SCRN1: variants seen among roughly 807,000 people sequenced by gnomAD.
The protein encoded by SCRN1 is secernin-1.
SCRN1 carries 19 observed loss-of-function variants against 43.3 expected under a neutral mutation model. The ratio of observed to expected loss-of-function variants is 0.44; its 90% CI spans 0.31 to 0.64. SCRN1 has a LOEUF of 0.64. Among genes scored for constraint, SCRN1 ranks in the 30% least tolerant of loss-of-function variants. The pLI is 0.09. For missense variants in SCRN1, 447 were observed against 524.1 expected, an observed-to-expected ratio of 0.85 and a Z score of 1.44; for synonymous variants, 183 against 188.9, an observed-to-expected ratio of 0.97 and a Z score of 0.26.
intron 7 of SCRN1, 103 bp downstream of exon 7, chr7:29,926,349 G>A (rs1456038388): frequency 6.4e-6 from 8 of 1,256,458 alleles, no homozygotes; most frequent in Admixed American, 1.9e-5. Context: ...CACTGGATGG[G>A]TGGGGGTAGG....
intron 4 of SCRN1, 36 bp from the exon 5 acceptor site, chr7:29,940,912 T>C: frequency 7.0e-7 from 1 of 1,433,510 alleles, no homozygotes; most frequent in Non-Finnish European, 9.2e-7. Context: ...GTTAAAAATA[T>C]ACTTATAAAG....
rs1265545870 is a variant in SCRN1, at chr7:29,944,011, G to T, written c.510C>A (p.Thr170=). Residue 170 remains threonine, a synonymous_variant, in exon 4 of 8, where the codon ACC becomes ACA. Coordinates refer to ENST00000242059, the MANE Select transcript of SCRN1 (RefSeq NM_014766.5). ...VDRDEAWVLE[T]IGKYWAAEKV... ...TCTCGGCAGCCCAGTACTTCCCTATGGTCTCGAGCACCCAGGCTTCATCAC... is the reference window on the plus strand; with the variant it reads ...TCTCGGCAGCCCAGTACTTCCCTATTGTCTCGAGCACCCAGGCTTCATCAC... 1 of 1,614,122 alleles carries T rather than the reference G, an allele frequency of 6.2e-7. No homozygotes were observed. The highest frequency in any genetic ancestry group is 2.2e-5 in the East Asian group (1 of 44,880).
intron 5 of SCRN1, among the ~76,000 whole-genome samples, chr7:29,939,597 A>G (rs919174891): frequency 4.6e-5 from 7 of 152,234 alleles, no homozygotes; most frequent in Non-Finnish European, 7.3e-5. Context: ...ATAGTGAGAA[A>G]GCAGCCCCAA....
rs192109848 is a variant in SCRN1 at position 29,948,136 on chromosome 7, A to G, written c.342-3957T>C. On this transcript the variant is annotated intron_variant, in intron 3 of 7. Transcript: ENST00000242059. ...ACTTTTTGACTTATCTCCATCTCTC[A>G]GTGTCCCGAAATTCCTGCGTCATTG... is the stretch of plus-strand genomic sequence containing the variant. Among the ~76,000 whole-genome samples, 184 of 152,220 alleles carry G rather than the reference A, an allele frequency of 1.2e-3. 1 individual carries two copies. Among genetic ancestry groups the G allele is most frequent in the African/African-American group, 4.3e-3 (179 of 41,538 alleles).
intron 6 of SCRN1, among the ~76,000 whole-genome samples, chr7:29,928,516 G>C (rs2128086422): frequency 6.6e-6 from 1 of 152,314 alleles, no homozygotes. Flanking sequence ...CCAAGCTGGT[G>C]AACTGAGTGG....
At chr7:29,959,347 C>T (rs1788233273) in intron 2 of SCRN1, among the ~76,000 whole-genome samples, 1 of 152,176 alleles carries the variant, frequency 6.6e-6, no homozygotes, top group African/African-American at 2.4e-5. Context: ...GCTTTTAAAA[C>T]TTTGTAGCTC....
intron 2 of SCRN1, among the ~76,000 whole-genome samples, chr7:29,968,093 T>G (rs1788554490): frequency 6.6e-6 from 1 of 152,334 alleles, no homozygotes; most frequent in Middle Eastern, 3.4e-3. Flanking sequence ...TTTAAAAGAT[T>G]TGAAATAAGA....
chr7:29,932,520 C>T (rs1787190195), intron 6 of SCRN1, among the ~76,000 whole-genome samples: 1 of 151,560 alleles, frequency 6.6e-6, no homozygotes, highest in South Asian at 2.1e-4. Context: ...GGTGTGGTGG[C>T]ACGTGCCTGT....
chr7:29,987,660 G>A (rs1239932187), intron 1 of SCRN1, among the ~76,000 whole-genome samples: 7 of 152,232 alleles, frequency 4.6e-5, no homozygotes, highest in Non-Finnish European at 4.4e-5. Flanking sequence ...AACACCTATA[G>A]ACTTTGTAAT....
upstream of SCRN1, chr7:29,989,967 A>C: frequency 1.6e-6 from 2 of 1,241,366 alleles, no homozygotes; most frequent in East Asian, 8.7e-5. Flanking sequence ...GGGGCCTGGG[A>C]GCTGGAGGAG....
chr7:29,985,037 G>C (rs1226354582), intron 1 of SCRN1, among the ~76,000 whole-genome samples: 1 of 144,550 alleles, frequency 6.9e-6, no homozygotes, highest in Non-Finnish European at 1.5e-5. Context: ...AGTAGCTTTG[G>C]GTAATTTGGC....
chr7:29,990,091 A>G, upstream of SCRN1: 3 of 1,544,136 alleles, frequency 1.9e-6, no homozygotes, highest in African/African-American at 1.4e-5. Context: ...CAGGCCCAGC[A>G]TCCTTTTGGC....
At chr7:29,927,004 T>C (rs1251581095) in intron 6 of SCRN1, among the ~76,000 whole-genome samples, 1 of 152,002 alleles carries the variant, frequency 6.6e-6, no homozygotes, top group Non-Finnish European at 1.5e-5. Context: ...TTTTTTTTTT[T>C]TAATACCGTG....
intron 3 of SCRN1, among the ~76,000 whole-genome samples, chr7:29,945,881 A>T (rs1787721340): frequency 6.6e-6 from 1 of 152,218 alleles, no homozygotes; most frequent in African/African-American, 2.4e-5. Context: ...GGAGTCTTAG[A>T]ACCTGGGCAA....
chr7:29,989,866 T>A, upstream of SCRN1: 2 of 998,028 alleles, frequency 2.0e-6, no homozygotes, highest in Non-Finnish European at 2.4e-6. Context: ...GGGCCCACCC[T>A]CCGCCTCCCC....
chr7:29,934,148 G>T (rs1212019559), intron 6 of SCRN1, among the ~76,000 whole-genome samples: 1 of 152,198 alleles, frequency 6.6e-6, no homozygotes, highest in African/African-American at 2.4e-5. Flanking sequence ...AGATAACAAC[G>T]AATGTCTTCC....
chr7:29,935,715 T>C (rs1455734419), intron 6 of SCRN1, among the ~76,000 whole-genome samples: 1 of 152,246 alleles, frequency 6.6e-6, no homozygotes, highest in Non-Finnish European at 1.5e-5. Context: ...GATGATATGA[T>C]TCCTGATATA....
chr7:29,981,844 C>T (rs1789000238), intron 1 of SCRN1, among the ~76,000 whole-genome samples: 1 of 152,156 alleles, frequency 6.6e-6, no homozygotes, highest in Non-Finnish European at 1.5e-5. Flanking sequence ...CCATCCCTTC[C>T]ACCTATGAGA....
In SCRN1 at chr7:29,923,927, T is replaced by C. The variant is rs1401053306; in HGVS notation, c.*30A>G. 2 of 1,579,574 alleles carry C rather than the reference T, an allele frequency of 1.3e-6. No individual in the cohort carries two copies. The highest frequency in any genetic ancestry group is 1.7e-6 in the Non-Finnish European group (2 of 1,162,180). ...GGTAATTTAGTAAGGTGGGAAGTCT[T>C]AAATAAGAAGGGGAAAGGGAACGCT... On this transcript the variant is annotated 3_prime_UTR_variant, in exon 8 of 8. Coordinates refer to ENST00000242059, the MANE Select transcript of SCRN1 (RefSeq NM_014766.5).
Sources: gnomAD v4.1 joint callset for allele counts (sites outside exome capture counted in the v4.1 genomes callset) on GRCh38, gnomAD v4.1.1 for gene constraint, MANE v1.5 for transcripts, NCBI Gene and HGNC (gene_info 2026-07-23, HGNC 2026-07-21) for gene names.